Variants in ZNF341 observed in about 807,000 individuals in gnomAD.
ZNF341 encodes zinc finger protein 341.
ZNF341 carries 52 observed loss-of-function variants against 87.7 expected under a neutral mutation model. That is an observed-to-expected ratio of 0.59 (90% CI 0.47 to 0.75). The LOEUF (loss-of-function observed/expected upper bound fraction) is 0.75, where lower values mean the gene tolerates loss of function less well. Among genes scored for constraint, ZNF341 ranks in the 30% least tolerant of loss-of-function variants. The pLI is 0.00. For missense variants in ZNF341, 977 were observed against 1,145.9 expected, an observed-to-expected ratio of 0.85 and a Z score of 2.13; for synonymous variants, 459 against 472.7, an observed-to-expected ratio of 0.97 and a Z score of 0.38.
chr20:33,742,500 G>A (rs773331743), intron 2 of ZNF341, among the ~76,000 whole-genome samples: 11 of 151,452 alleles, frequency 7.3e-5, no homozygotes, highest in Non-Finnish European at 1.2e-4. Flanking sequence ...CGGCCAAGTC[G>A]AGACAGGATT....
At chr20:33,777,815 G>A (rs900830956) in intron 10 of ZNF341, among the ~76,000 whole-genome samples, 1 of 152,038 alleles carries the variant, frequency 6.6e-6, no homozygotes, top group South Asian at 2.1e-4. Context: ...TGTCTCTCTC[G>A]TCTCTCTTGT....
chr20:33,791,609 A>G lies in ZNF341; in HGVS notation c.*92A>G. ...CAGACCGGTGATCCTTACCAGTGGA[A>G]GCGAGCCATCGAGCCATTGGCAGAA... On this transcript the variant is annotated 3_prime_UTR_variant, in exon 15 of 15. Transcript: ENST00000375200. The G allele has an allele frequency of 1.5e-6, 2 of 1,354,200 alleles. No individual in the cohort carries two copies. Among genetic ancestry groups the G allele is most frequent in the African/African-American group, 2.9e-5 (2 of 68,156 alleles). The allele number at this position is 1,354,200 out of a possible 1,614,324, so 83.9% of individuals were successfully genotyped here.
intron 1 of ZNF341, among the ~76,000 whole-genome samples, chr20:33,736,286 A>G (rs536589926): frequency 6.6e-6 from 1 of 151,366 alleles, no homozygotes; most frequent in Non-Finnish European, 1.5e-5. Flanking sequence ...AAATTGTAAC[A>G]GTGAGAAAAT....
rs368162220 is a variant in ZNF341, at chr20:33,759,743, C to T, written c.1028+937C>T. Among the ~76,000 whole-genome samples the T allele has an allele frequency of 1.3e-4, 20 of 152,058 alleles. 1 individual carries two copies. In the South Asian group the frequency reaches 3.5e-3, roughly 27 times the overall value. On this transcript the variant is annotated intron_variant, in intron 7 of 14. Coordinates refer to ENST00000375200, the MANE Select transcript of ZNF341 (RefSeq NM_001282933.2). ...TAGCACCTTTGGTATACATGCTCGT[C>T]TCTTATAACAAAAGGAGAGAGAGAG...
intron 12 of ZNF341, among the ~76,000 whole-genome samples, chr20:33,786,027 CTTTTTTTTTTTTTT>C (rs11478588): frequency 3.1e-4 from 21 of 68,716 alleles, no homozygotes; most frequent in African/African-American, 1.3e-3. Flanking sequence ...ATGTATGAAC[CTTTTTTTTTTTTTT>C]TTTTTTTTTT....
chr20:33,747,324 C>G (rs1404319908), intron 3 of ZNF341, among the ~76,000 whole-genome samples: 1 of 150,056 alleles, frequency 6.7e-6, no homozygotes, highest in Non-Finnish European at 1.5e-5. Context: ...TGGCATAAAA[C>G]AGTCATTTTG....
intron 8 of ZNF341, among the ~76,000 whole-genome samples, chr20:33,766,154 G>A (rs1026524546): frequency 1.3e-5 from 2 of 151,960 alleles, no homozygotes; most frequent in African/African-American, 4.8e-5. Context: ...CAAAGTGCTG[G>A]GATTACAGGT....
intron 13 of ZNF341, 106 bp downstream of exon 13, chr20:33,789,080 T>A: frequency 6.9e-6 from 3 of 435,620 alleles, no homozygotes; most frequent in African/African-American, 2.1e-5. Context: ...GGCCTCTCCT[T>A]TTTTTTTTTT....
intron 3 of ZNF341, among the ~76,000 whole-genome samples, chr20:33,747,776 A>G (rs2018964521): frequency 6.7e-6 from 1 of 148,296 alleles, no homozygotes; most frequent in Non-Finnish European, 1.5e-5. Context: ...GCTCACTGCA[A>G]CCTCCATCTG....
At chr20:33,735,466 G>A (rs752238320) in intron 1 of ZNF341, among the ~76,000 whole-genome samples, 27 of 152,002 alleles carry the variant, frequency 1.8e-4, no homozygotes, top group Non-Finnish European at 2.9e-4. Context: ...TCCCAGGTGC[G>A]TGCCAGGACA....
At chr20:33,733,427 CG>C (rs1357865146) in intron 1 of ZNF341, among the ~76,000 whole-genome samples, 2 of 150,682 alleles carry the variant, frequency 1.3e-5, no homozygotes, top group East Asian at 3.9e-4. Flanking sequence ...TAAGTAGAGA[CG>C]GGGTTTCACC....
rs139084133 is a variant in ZNF341, at chr20:33,733,377, C to G, written c.31+1325C>G. 6.3e-3 allele frequency among the ~76,000 whole-genome samples: 954 copies of G among 151,458 alleles called. 13 individuals are homozygous for G. The highest frequency in any genetic ancestry group is 0.022 in the African/African-American group (896 of 40,998). ...GAGAGCAGCTGAGACTACAGGCATCCGCCACCACGCCCGGCTAATTTTTTT... is the reference window on the plus strand; with the variant it reads ...GAGAGCAGCTGAGACTACAGGCATCGGCCACCACGCCCGGCTAATTTTTTT... On this transcript the variant is annotated intron_variant, in intron 1 of 14. Transcript: ENST00000375200.
chr20:33,769,384 G>A (rs1265138055), intron 9 of ZNF341, among the ~76,000 whole-genome samples: 1 of 149,278 alleles, frequency 6.7e-6, no homozygotes, highest in Non-Finnish European at 1.5e-5. Context: ...GTGGGGGGGG[G>A]GGCAGTGGGA....
chr20:33,755,591 C>CTTTT (rs1004093201), intron 5 of ZNF341, among the ~76,000 whole-genome samples: 9 of 118,022 alleles, frequency 7.6e-5, no homozygotes, highest in African/African-American at 1.6e-4. Flanking sequence ...GAGTTGAATT[C>CTTTT]TTTTTTTTTT....
chr20:33,763,223 C>T (rs1206006911), intron 8 of ZNF341, among the ~76,000 whole-genome samples: 1 of 152,194 alleles, frequency 6.6e-6, no homozygotes, highest in African/African-American at 2.4e-5. Context: ...TTGTTTGTTA[C>T]ATGGGTATTA....
chr20:33,783,791 G>A lies in ZNF341; in HGVS notation c.1779G>A (p.Arg593=). 2 of 1,613,758 alleles carry A rather than the reference G, an allele frequency of 1.2e-6. No individual in the cohort carries two copies. Among genetic ancestry groups the A allele is most frequent in the South Asian group, 1.1e-5 (1 of 91,078 alleles). Residue 593 remains arginine, a synonymous_variant, in exon 12 of 15, where the codon AGG becomes AGA. Coordinates refer to ENST00000375200, the MANE Select transcript of ZNF341 (RefSeq NM_001282933.2). ...TGCCCACCCACGGCAGCGGGGGCAG[G>A]TTCAAGTGCCAAGTGTGCAAGAAGT... The part of the protein sequence containing the change: ...RHLPTHGSGG[R]FKCQVCKKFF...
intron 11 of ZNF341, 99 bp downstream of exon 11, chr20:33,781,486 A>G (rs2019743440): frequency 1.0e-5 from 11 of 1,093,180 alleles, no homozygotes; most frequent in Non-Finnish European, 1.5e-5. Flanking sequence ...CTCTCTCACC[A>G]TAGGACACGC....
chr20:33,769,337 G>A (rs1302005556), intron 9 of ZNF341, among the ~76,000 whole-genome samples: 3 of 117,554 alleles, frequency 2.6e-5, no homozygotes, highest in African/African-American at 3.4e-5. Context: ...CACTAAGTCA[G>A]ATTTCTCAGG....
At chr20:33,755,935 T>C (rs2019167450) in intron 5 of ZNF341, among the ~76,000 whole-genome samples, 1 of 152,022 alleles carries the variant, frequency 6.6e-6, no homozygotes, top group South Asian at 2.1e-4. Context: ...CAATGGATGA[T>C]GAATAGGCCA....
Sources: allele counts gnomAD v4.1 joint callset (sites outside exome capture counted in the v4.1 genomes callset), GRCh38; gene constraint gnomAD v4.1.1; transcripts MANE v1.5; gene names NCBI Gene and HGNC (gene_info 2026-07-23, HGNC 2026-07-21).